PLCXD3: variants seen among roughly 807,000 people sequenced by gnomAD.
The protein encoded by PLCXD3 is phosphatidylinositol specific phospholipase C X domain containing 3.
A neutral mutation model predicts 25.5 loss-of-function variants in PLCXD3; 19 were observed. That is an observed-to-expected ratio of 0.75 (90% confidence interval 0.52 to 1.09). PLCXD3 has a LOEUF of 1.09. Ranked by LOEUF, PLCXD3 falls within the 50% of genes least tolerant of loss-of-function variation. The pLI, the probability that PLCXD3 is intolerant of heterozygous loss-of-function variation, is 0.00. For synonymous variants in PLCXD3, 174 were observed against 137.6 expected (o/e 1.26, Z -1.85); for missense variants, 411 against 388.1 (o/e 1.06, Z -0.50).
intron 2 of PLCXD3, among the ~76,000 whole-genome samples, chr5:41,376,070 C>A (rs1374646387): frequency 6.6e-6 from 1 of 152,102 alleles, no homozygotes; most frequent in Non-Finnish European, 1.5e-5. Context: ...AGTTGTCTTC[C>A]TTTGCCCAGC....
At chr5:41,335,464 G>T (rs1182268489) in intron 2 of PLCXD3, among the ~76,000 whole-genome samples, 1 of 152,126 alleles carries the variant, frequency 6.6e-6, no homozygotes, top group Non-Finnish European at 1.5e-5. Flanking sequence ...CTGTTGGCAG[G>T]ATCGTTTTAT....
At chr5:41,493,557 C>G (rs1003586759) in intron 1 of PLCXD3, among the ~76,000 whole-genome samples, 8 of 152,258 alleles carry the variant, frequency 5.3e-5, no homozygotes, top group Admixed American at 2.0e-4. Context: ...CAGAGGCAGG[C>G]AGGCCTCCTT....
chr5:41,492,030 C>T (rs985389344), intron 1 of PLCXD3, among the ~76,000 whole-genome samples: 3 of 152,164 alleles, frequency 2.0e-5, no homozygotes, highest in Admixed American at 6.5e-5. Flanking sequence ...TTCCTAGCCT[C>T]GATGGTCTTT....
intron 2 of PLCXD3, among the ~76,000 whole-genome samples, chr5:41,380,316 T>A (rs1745418293): frequency 6.6e-6 from 1 of 152,086 alleles, no homozygotes; most frequent in Non-Finnish European, 1.5e-5. Flanking sequence ...TCATTTTAAT[T>A]TTCATTGCTT....
chr5:41,380,364 T>C (rs755948017), intron 2 of PLCXD3, among the ~76,000 whole-genome samples: 4 of 152,078 alleles, frequency 2.6e-5, no homozygotes, highest in Non-Finnish European at 5.9e-5. Context: ...GCTTCCCCAG[T>C]GTAGCTTGCA....
chr5:41,388,837 A>G (rs1745720018), intron 1 of PLCXD3, among the ~76,000 whole-genome samples: 1 of 151,870 alleles, frequency 6.6e-6, no homozygotes, highest in African/African-American at 2.4e-5. Context: ...TATGAACTTC[A>G]CCCTATGTAT....
chr5:41,380,703 T>C (rs1289491848), intron 2 of PLCXD3, among the ~76,000 whole-genome samples: 1 of 152,134 alleles, frequency 6.6e-6, no homozygotes, highest in Non-Finnish European at 1.5e-5. Flanking sequence ...AGACCTTGGG[T>C]CCAAGCAAAA....
intron 2 of PLCXD3, among the ~76,000 whole-genome samples, chr5:41,353,215 C>T (rs1457331589): frequency 6.6e-6 from 1 of 151,748 alleles, no homozygotes; most frequent in African/African-American, 2.4e-5. Context: ...GACTCAGCCT[C>T]CCGAGTAGCT....
At chr5:41,423,874 G>A (rs1200623788) in intron 1 of PLCXD3, among the ~76,000 whole-genome samples, 1 of 152,096 alleles carries the variant, frequency 6.6e-6, no homozygotes, top group Admixed American at 6.5e-5. Context: ...ACAACTTGAT[G>A]TTTTGATACA....
At chr5:41,498,192 G>T (rs889085457) in intron 1 of PLCXD3, among the ~76,000 whole-genome samples, 1 of 151,378 alleles carries the variant, frequency 6.6e-6, no homozygotes, top group South Asian at 2.1e-4. Context: ...AAAGATTAGA[G>T]CAGAAATAAA....
chr5:41,408,942 G>A (rs1039482825), intron 1 of PLCXD3, among the ~76,000 whole-genome samples: 5 of 152,178 alleles, frequency 3.3e-5, no homozygotes, highest in Admixed American at 2.0e-4. Flanking sequence ...AAGAAAAAGA[G>A]CAGATTTTAT....
At chr5:41,480,404 T>C (rs1467631003) in intron 1 of PLCXD3, among the ~76,000 whole-genome samples, 1 of 151,904 alleles carries the variant, frequency 6.6e-6, no homozygotes, top group Non-Finnish European at 1.5e-5. Context: ...TTTTTTTTTT[T>C]TTTTTCATTT....
intron 1 of PLCXD3, among the ~76,000 whole-genome samples, chr5:41,412,042 A>G (rs1746560617): frequency 6.6e-6 from 1 of 151,844 alleles, no homozygotes; most frequent in Non-Finnish European, 1.5e-5. Flanking sequence ...ACACACAGAC[A>G]CAATCACATT....
rs141601491 is a variant in PLCXD3 at position 41,392,565 on chromosome 5, C to G, written c.104-10031G>C. On this transcript the variant is annotated intron_variant, in intron 1 of 2. Coordinates refer to ENST00000377801, the MANE Select transcript of PLCXD3 (RefSeq NM_001005473.3). Reference sequence around the variant, plus strand: ...ACAATACCCAAGTCCTTTCGAGTATCTGGAAAACCTTCCCAAAAAAGATAG... The same window carrying G: ...ACAATACCCAAGTCCTTTCGAGTATGTGGAAAACCTTCCCAAAAAAGATAG... 9.5e-3 allele frequency among the ~76,000 whole-genome samples: 1,452 copies of G among 152,268 alleles called. 14 individuals are homozygous for G. The highest frequency in any genetic ancestry group is 0.016 in the Non-Finnish European group (1,081 of 68,024).
intron 1 of PLCXD3, among the ~76,000 whole-genome samples, chr5:41,466,805 G>A (rs141696537): frequency 1.5e-3 from 234 of 151,966 alleles, no homozygotes; most frequent in South Asian, 8.7e-3. Context: ...AGACCATGTG[G>A]TATTTGTCTT....
chr5:41,327,568 T>C (rs1306105504), intron 2 of PLCXD3, among the ~76,000 whole-genome samples: 1 of 152,146 alleles, frequency 6.6e-6, no homozygotes, highest in African/African-American at 2.4e-5. Flanking sequence ...CCTTTCTTTA[T>C]AGCCAAGATG....
chr5:41,461,473 C>T (rs1191267046), intron 1 of PLCXD3, among the ~76,000 whole-genome samples: 1 of 151,920 alleles, frequency 6.6e-6, no homozygotes, highest in African/African-American at 2.4e-5. Flanking sequence ...TTTTATTTTT[C>T]TCTCCTCCAT....
chr5:41,486,776 C>G (rs950706455), intron 1 of PLCXD3, among the ~76,000 whole-genome samples: 1 of 152,140 alleles, frequency 6.6e-6, no homozygotes, highest in African/African-American at 2.4e-5. Flanking sequence ...TGTATATTAT[C>G]CTCTTGAATT....
rs1046670442 is a variant in PLCXD3, at chr5:41,383,887, G to A, written c.104-1353C>T. 4.0e-5 allele frequency among the ~76,000 whole-genome samples: 6 copies of A among 151,484 alleles called. No homozygotes were observed. The East Asian group carries it at 5.8e-4, about 15-fold the overall frequency. On this transcript the variant is annotated intron_variant, in intron 1 of 2. Transcript: ENST00000377801. ...TTTCAGTGATGCAATATATACCTACGTCTATATTCCATATCTATGTATATT... is the reference window on the plus strand; with the variant it reads ...TTTCAGTGATGCAATATATACCTACATCTATATTCCATATCTATGTATATT...
Sources: gnomAD v4.1 joint callset for allele counts (sites outside exome capture counted in the v4.1 genomes callset) on GRCh38, gnomAD v4.1.1 for gene constraint, MANE v1.5 for transcripts, NCBI Gene and HGNC (gene_info 2026-07-23, HGNC 2026-07-21) for gene names.